NR3C2: variants seen among roughly 807,000 people sequenced by gnomAD.
The protein encoded by NR3C2 is nuclear receptor subfamily 3 group C member 2.
NR3C2 carries 15 observed loss-of-function variants against 86.4 expected under a neutral mutation model. That is an observed-to-expected ratio of 0.17 (90% CI 0.12 to 0.27). The LOEUF (loss-of-function observed/expected upper bound fraction) is 0.27, where lower values mean the gene tolerates loss of function less well. Ranked by LOEUF, NR3C2 falls within the 10% of genes least tolerant of loss-of-function variation. The pLI is 1.00. For missense variants in NR3C2, 960 were observed against 1,195.6 expected (o/e 0.80, Z 2.91); for synonymous variants, 458 against 450.5 (o/e 1.02, Z -0.21).
At chr4:148,342,551 C>T (rs1030608747) in intron 2 of NR3C2, among the ~76,000 whole-genome samples, 5 of 152,106 alleles carry the variant, frequency 3.3e-5, no homozygotes, top group Non-Finnish European at 7.4e-5. Flanking sequence ...TGATGAAGCT[C>T]TGGTTTGCTG....
intron 2 of NR3C2, among the ~76,000 whole-genome samples, chr4:148,285,848 T>C (rs1741495603): frequency 6.6e-6 from 1 of 152,242 alleles, no homozygotes. Context: ...AGTGCGATGC[T>C]TTCTTGCATA....
chr4:148,136,711 A>G (rs963084520), intron 6 of NR3C2, among the ~76,000 whole-genome samples: 4 of 151,974 alleles, frequency 2.6e-5, no homozygotes, highest in Non-Finnish European at 5.9e-5. Context: ...CAATGGCGCA[A>G]TCTCAGCTCA....
At chr4:148,381,228 A>T (rs1324076730) in intron 2 of NR3C2, among the ~76,000 whole-genome samples, 1 of 127,412 alleles carries the variant, frequency 7.8e-6, no homozygotes, top group Non-Finnish European at 1.7e-5. Flanking sequence ...ACCCTGTCTC[A>T]AAAGAAAAAA....
chr4:148,422,347 A>T (rs1749324667), intron 2 of NR3C2, among the ~76,000 whole-genome samples: 1 of 152,084 alleles, frequency 6.6e-6, no homozygotes, highest in Non-Finnish European at 1.5e-5. Flanking sequence ...TCATATGATC[A>T]TAAATTCTTT....
At position 148,256,670 on chromosome 4, in the gene NR3C2, T is replaced by G. The variant is rs139841369; in HGVS notation, c.1897+3308A>C. ...TTCCACCACAAGGGAGAACCCTTTT[T>G]TTAAGTTATTATTATTTCTTTAAGA... is the stretch of plus-strand genomic sequence containing the variant. On this transcript the variant is annotated intron_variant, in intron 3 of 8. Coordinates refer to ENST00000358102, the MANE Select transcript of NR3C2 (RefSeq NM_000901.5). Among the ~76,000 whole-genome samples the G allele has an allele frequency of 2.6e-4, 40 of 152,276 alleles. No homozygotes were observed. In the East Asian group the frequency reaches 7.5e-3, roughly 29 times the overall value.
intron 6 of NR3C2, among the ~76,000 whole-genome samples, chr4:148,140,351 A>G (rs1453204268): frequency 6.6e-6 from 1 of 152,164 alleles, no homozygotes; most frequent in African/African-American, 2.4e-5. Flanking sequence ...CCTAGGTGAC[A>G]GAGTGAAGCC....
intron 2 of NR3C2, among the ~76,000 whole-genome samples, chr4:148,403,287 G>A (rs1423405263): frequency 1.3e-5 from 2 of 151,978 alleles, no homozygotes; most frequent in Admixed American, 1.3e-4. Flanking sequence ...GAAAAAGAAG[G>A]AGTTCTCTCT....
chr4:148,371,724 A>C (rs1207337317), intron 2 of NR3C2, among the ~76,000 whole-genome samples: 1 of 152,210 alleles, frequency 6.6e-6, no homozygotes, highest in Non-Finnish European at 1.5e-5. Context: ...TAAAAACAGT[A>C]CCTGACTTAA....
intron 6 of NR3C2, among the ~76,000 whole-genome samples, chr4:148,151,412 C>G (rs1227780651): frequency 6.6e-6 from 1 of 152,144 alleles, no homozygotes; most frequent in Non-Finnish European, 1.5e-5. Context: ...TTTGGCCTTA[C>G]TTCATGCTTT....
chr4:148,212,862 T>A (rs58411881), intron 3 of NR3C2, among the ~76,000 whole-genome samples: 4,759 of 152,272 alleles, frequency 0.031, 235 homozygotes, highest in African/African-American at 0.11. Context: ...ATAGGCATCG[T>A]GTTTATTGTG....
intron 2 of NR3C2, among the ~76,000 whole-genome samples, chr4:148,283,142 A>G (rs894613944): frequency 6.6e-6 from 1 of 152,222 alleles, no homozygotes; most frequent in Non-Finnish European, 1.5e-5. Context: ...TTTAAAGATA[A>G]GCAGCAGCAA....
chr4:148,344,960 G>C (rs1332826079), intron 2 of NR3C2, among the ~76,000 whole-genome samples: 1 of 152,146 alleles, frequency 6.6e-6, no homozygotes, highest in Non-Finnish European at 1.5e-5. Flanking sequence ...TTGGTTTTCA[G>C]ATGCACAAAA....
intron 6 of NR3C2, among the ~76,000 whole-genome samples, chr4:148,126,468 G>A (rs959455656): frequency 6.6e-6 from 1 of 152,152 alleles, no homozygotes; most frequent in Admixed American, 6.5e-5. Flanking sequence ...ATAGAAGATG[G>A]CAAATCTAGG....
At chr4:148,371,162 G>A (rs751749431) in intron 2 of NR3C2, among the ~76,000 whole-genome samples, 1 of 152,088 alleles carries the variant, frequency 6.6e-6, no homozygotes, top group African/African-American at 2.4e-5. Context: ...CCATCACCTC[G>A]AGCATTTATT....
In NR3C2 at chr4:148,139,364, A is replaced by C. The variant is rs192334477; in HGVS notation, c.2510+13105T>G. On this transcript the variant is annotated intron_variant, in intron 6 of 8. Transcript: ENST00000358102. ...CCTCACAGAGTTGTGAGGATTAAATAAAATGGAGTATTGGAGATAGTATTT... is the reference window on the plus strand; with the variant it reads ...CCTCACAGAGTTGTGAGGATTAAATCAAATGGAGTATTGGAGATAGTATTT... Among the ~76,000 whole-genome samples, 9 of 152,342 alleles carry C rather than the reference A, an allele frequency of 5.9e-5. No homozygotes were observed. The East Asian group carries it at 1.7e-3, about 29-fold the overall frequency.
chr4:148,340,552 A>G (rs1024025897), intron 2 of NR3C2, among the ~76,000 whole-genome samples: 2 of 152,144 alleles, frequency 1.3e-5, no homozygotes, highest in African/African-American at 4.8e-5. Flanking sequence ...CTATTAGGGA[A>G]ATGCTTCTGG....
chr4:148,338,058 C>T (rs1744579706), intron 2 of NR3C2, among the ~76,000 whole-genome samples: 1 of 152,128 alleles, frequency 6.6e-6, no homozygotes, highest in Non-Finnish European at 1.5e-5. Context: ...AAACGGGTCT[C>T]ATTAATGTAC....
intron 2 of NR3C2, among the ~76,000 whole-genome samples, chr4:148,355,272 T>C (rs557230790): frequency 6.6e-6 from 1 of 152,308 alleles, no homozygotes; most frequent in African/African-American, 2.4e-5. Flanking sequence ...CAAGGAAAAC[T>C]ACAGCACACA....
intron 2 of NR3C2, among the ~76,000 whole-genome samples, chr4:148,413,454 T>C (rs1233354885): frequency 6.6e-6 from 1 of 152,020 alleles, no homozygotes; most frequent in Non-Finnish European, 1.5e-5. Context: ...GCAAGGGATA[T>C]AAAGCACAAA....
Sources: allele counts gnomAD v4.1 joint callset (sites outside exome capture counted in the v4.1 genomes callset), GRCh38; gene constraint gnomAD v4.1.1; transcripts MANE v1.5; gene names NCBI Gene and HGNC (gene_info 2026-07-23, HGNC 2026-07-21).